SLAIN2: variants seen among roughly 807,000 people sequenced by gnomAD.
The protein encoded by SLAIN2 is SLAIN family member 2.
In SLAIN2, 31 loss-of-function variants were observed where a neutral mutation model predicts 56.6. That is an observed-to-expected ratio of 0.55 (90% CI 0.41 to 0.74). The LOEUF is 0.74. Among genes scored for constraint, SLAIN2 ranks in the 30% least tolerant of loss-of-function variants. The probability of loss-of-function intolerance (pLI) is 0.00; values close to 1 mark genes in which losing one functional copy is unlikely to be tolerated. For missense variants in SLAIN2, 777 were observed against 754.2 expected (o/e 1.03, Z -0.35); for synonymous variants, 317 against 284.9 (o/e 1.11, Z -1.13).
intron 6 of SLAIN2, among the ~76,000 whole-genome samples, chr4:48,387,087 T>C (rs1716119641): frequency 6.6e-6 from 1 of 152,198 alleles, no homozygotes; most frequent in Non-Finnish European, 1.5e-5. Context: ...CCAGATACTT[T>C]CTAAAACTAG....
chr4:48,353,923 G>A (rs547462236), intron 1 of SLAIN2, among the ~76,000 whole-genome samples: 2 of 152,300 alleles, frequency 1.3e-5, no homozygotes, highest in African/African-American at 4.8e-5. Context: ...AATTGAATAT[G>A]TAGAGAGAAA....
At chr4:48,402,869 A>G (rs1042630811) in intron 6 of SLAIN2, among the ~76,000 whole-genome samples, 3 of 151,988 alleles carry the variant, frequency 2.0e-5, no homozygotes, top group African/African-American at 7.3e-5. Context: ...TCTACCTTTG[A>G]TCTTTGAGGT....
intron 1 of SLAIN2, among the ~76,000 whole-genome samples, chr4:48,343,935 C>T (rs1268637206): frequency 6.6e-6 from 1 of 152,150 alleles, no homozygotes; most frequent in Non-Finnish European, 1.5e-5. Context: ...TGTCACATGG[C>T]TCTTGCAAGT....
In SLAIN2 at chr4:48,420,135, A is replaced by C. The variant is rs1486547876; in HGVS notation, c.1371A>C (p.Pro457=). ...TTTGCCATCCCACAGTACCTTCTCCAGGCAAATTCCGTTCCCCTGCAGCAC... is the reference window on the plus strand; with the variant it reads ...TTTGCCATCCCACAGTACCTTCTCCCGGCAAATTCCGTTCCCCTGCAGCAC... ...MQPQASAIPS[P]GKFRSPAAPS... is the part of the protein sequence containing the mutation. Residue 457 remains proline (P), a synonymous_variant, in exon 7 of 8, where the codon CCA becomes CCC. Transcript: ENST00000264313. 1 of 1,613,672 alleles carries C rather than the reference A, an allele frequency of 6.2e-7. No individual in the cohort carries two copies. Among genetic ancestry groups the C allele is most frequent in the Non-Finnish European group, 8.5e-7 (1 of 1,179,642 alleles).
At chr4:48,362,148 T>C (rs1467360143) in intron 1 of SLAIN2, among the ~76,000 whole-genome samples, 2 of 152,122 alleles carry the variant, frequency 1.3e-5, no homozygotes, top group Admixed American at 1.3e-4. Flanking sequence ...TTAGTTTTTT[T>C]TTTTCTTGCC....
At chr4:48,381,855 C>T (rs919267689) in intron 4 of SLAIN2, among the ~76,000 whole-genome samples, 4 of 152,094 alleles carry the variant, frequency 2.6e-5, no homozygotes, top group African/African-American at 9.7e-5. Context: ...GACTATGTTA[C>T]GTATCAACTT....
chr4:48,385,821 G>T (rs1373420735), intron 6 of SLAIN2, among the ~76,000 whole-genome samples: 1 of 151,564 alleles, frequency 6.6e-6, no homozygotes, highest in Admixed American at 6.6e-5. Flanking sequence ...TGGCCCTGTT[G>T]TGTTTAGCTG....
chr4:48,377,444 G>T (rs535118010), intron 2 of SLAIN2, among the ~76,000 whole-genome samples: 1 of 150,886 alleles, frequency 6.6e-6, no homozygotes, highest in Non-Finnish European at 1.5e-5. Context: ...CTCCCAAAGT[G>T]CTGGGATTAC....
At chr4:48,371,856 A>T (rs1224518692) in intron 2 of SLAIN2, among the ~76,000 whole-genome samples, 1 of 151,924 alleles carries the variant, frequency 6.6e-6, no homozygotes, top group African/African-American at 2.4e-5. Context: ...GGGCAGGAGG[A>T]TCCCTTGAGC....
At chr4:48,400,557 G>A (rs1272632162) in intron 6 of SLAIN2, among the ~76,000 whole-genome samples, 1 of 151,730 alleles carries the variant, frequency 6.6e-6, no homozygotes, top group Non-Finnish European at 1.5e-5. Flanking sequence ...GTGCCACCAC[G>A]CCTAGCTAAT....
rs1715864613 is a variant in SLAIN2 at position 48,377,917 on chromosome 4, A to G, written c.560A>G (p.Tyr187Cys). 3.1e-6 allele frequency: 5 copies of G among 1,613,550 alleles called. No homozygotes were observed. Among genetic ancestry groups the G allele is most frequent in the East Asian group, 2.2e-5 (1 of 44,874 alleles). Residue 187 changes from tyrosine to cysteine, a missense_variant, in exon 3 of 8, where the codon TAT (tyrosine) becomes TGT (cysteine). Physicochemically the swap from Tyr to Cys is radical, Grantham distance 194 (BLOSUM62 -2). Coordinates refer to ENST00000264313, the MANE Select transcript of SLAIN2 (RefSeq NM_020846.2). ...GCAGCTCTCAAGAGGCAGAATTTAT[A>G]TAATAATCCTTTCAACTCTATGAGT... ...TMSALKRQNL[Y>C]NNPFNSMSYT... is the part of the protein sequence containing the mutation.
chr4:48,392,576 T>C (rs6848395), intron 6 of SLAIN2, among the ~76,000 whole-genome samples: 67,281 of 151,912 alleles, frequency 0.44, 15,996 homozygotes, highest in African/African-American at 0.62. Flanking sequence ...TTCAAACATA[T>C]CAGGCATGGT....
chr4:48,394,801 A>T (rs1716336384), intron 6 of SLAIN2: 2 of 656,110 alleles, frequency 3.0e-6, no homozygotes, highest in Admixed American at 3.2e-5. Flanking sequence ...TTATTCTGTT[A>T]TTTGGATAAA....
intron 1 of SLAIN2, among the ~76,000 whole-genome samples, chr4:48,357,009 T>A (rs1715173825): frequency 6.6e-6 from 1 of 152,044 alleles, no homozygotes; most frequent in African/African-American, 2.4e-5. Flanking sequence ...CTTCAGTGCT[T>A]GAAAATAGCT....
intron 6 of SLAIN2, among the ~76,000 whole-genome samples, chr4:48,404,767 C>G (rs1201402754): frequency 6.6e-6 from 1 of 152,070 alleles, no homozygotes. Flanking sequence ...CTGTCAATTT[C>G]CTTTGCTGAG....
chr4:48,363,691 G>C (rs1171776028), intron 1 of SLAIN2, among the ~76,000 whole-genome samples: 1 of 120,084 alleles, frequency 8.3e-6, no homozygotes, highest in Non-Finnish European at 1.8e-5. Flanking sequence ...CAGTAGGGGC[G>C]GCCGGGCAGA....
chr4:48,375,136 T>TA (rs1313856023), intron 2 of SLAIN2, among the ~76,000 whole-genome samples: 1 of 152,116 alleles, frequency 6.6e-6, no homozygotes, highest in Non-Finnish European at 1.5e-5. Flanking sequence ...TAAAAAGGCT[T>TA]AGAACTTGGA....
chr4:48,416,710 C>T (rs1321013005), intron 6 of SLAIN2, among the ~76,000 whole-genome samples: 7 of 150,514 alleles, frequency 4.7e-5, no homozygotes, highest in South Asian at 2.1e-4. Flanking sequence ...CACTCAAAGC[C>T]GCTCAACTAC....
At chr4:48,369,008 CTCCTTATTGAA>C (rs1186851737) in intron 1 of SLAIN2, among the ~76,000 whole-genome samples, 1 of 152,146 alleles carries the variant, frequency 6.6e-6, no homozygotes, top group Non-Finnish European at 1.5e-5. Context: ...AGATTATTGA[CTCCTTATTGAA>C]ACCTTTCACT....
Sources: gnomAD v4.1 joint callset for allele counts (sites outside exome capture counted in the v4.1 genomes callset) on GRCh38, gnomAD v4.1.1 for gene constraint, MANE v1.5 for transcripts, NCBI Gene and HGNC (gene_info 2026-07-23, HGNC 2026-07-21) for gene names.